The following CACHD1 variants were observed in gnomAD, a reference collection of about 807,000 sequenced individuals.
CACHD1 encodes cache domain containing 1, also known as VWFA and cache domain-containing protein 1.
CACHD1 carries 71 observed loss-of-function variants against 138.7 expected under a neutral mutation model. The ratio of observed to expected loss-of-function variants is 0.51; its 90% CI spans 0.42 to 0.62. The LOEUF is 0.62. CACHD1 is among the 20% of genes least tolerant of loss of function. The probability of loss-of-function intolerance (pLI) is 0.00; values close to 1 mark genes in which losing one functional copy is unlikely to be tolerated. For synonymous variants in CACHD1, 578 were observed against 591.5 expected (o/e 0.98, Z 0.33); for missense variants, 1,389 against 1,625.3 (o/e 0.85, Z 2.50).
At chr1:64,480,292 A>G (rs1354744035) in intron 1 of CACHD1, among the ~76,000 whole-genome samples, 1 of 152,216 alleles carries the variant, frequency 6.6e-6, no homozygotes, top group African/African-American at 2.4e-5. Flanking sequence ...CACCAGTAGT[A>G]AGTGACAGAT....
intron 1 of CACHD1, among the ~76,000 whole-genome samples, chr1:64,500,735 AGAGAGAGAG>A (rs1308973821): frequency 9.2e-4 from 6 of 6,536 alleles, no homozygotes; most frequent in African/African-American, 1.2e-3. Context: ...AAAAAAAAAA[AGAGAGAGAG>A]AGAGAGAGAG....
At position 64,681,307 on chromosome 1, in the gene CACHD1, C is replaced by T. The variant is rs757934685; in HGVS notation, c.3456C>T (p.Asp1152=). The T allele has an allele frequency of 2.4e-5, 39 of 1,613,574 alleles. No homozygotes were observed. In the South Asian group the frequency reaches 2.6e-4, roughly 11 times the overall value. The change falls in exon 25 of 27, where the codon GAC becomes GAT. Residue 1152 remains aspartate (D), a synonymous_variant. Coordinates refer to ENST00000651257, the MANE Select transcript of CACHD1 (RefSeq NM_020925.4). Reference sequence around the variant, plus strand: ...TGGAGAATGACAGAGATGAAAGGGACGACGACAGCCACGAAGACAGAGGCA... The same window carrying T: ...TGGAGAATGACAGAGATGAAAGGGATGACGACAGCCACGAAGACAGAGGCA... ...SNLENDRDER[D]DDSHEDRGII...
At chr1:64,505,436 C>T (rs539651632) in intron 1 of CACHD1, among the ~76,000 whole-genome samples, 1 of 152,114 alleles carries the variant, frequency 6.6e-6, no homozygotes, top group Non-Finnish European at 1.5e-5. Flanking sequence ...AGGCTGCGGG[C>T]TTTCCTGGGC....
At chr1:64,498,817 G>A (rs1015892277) in intron 1 of CACHD1, among the ~76,000 whole-genome samples, 95 of 152,332 alleles carry the variant, frequency 6.2e-4, no homozygotes, top group African/African-American at 2.1e-3. Context: ...TTGCTGGGCT[G>A]ACTTGGTGGT....
intron 4 of CACHD1, among the ~76,000 whole-genome samples, chr1:64,610,468 C>T (rs1179963645): frequency 6.6e-6 from 1 of 152,168 alleles, no homozygotes; most frequent in African/African-American, 2.4e-5. Flanking sequence ...AGACCTGTTA[C>T]AAATGGGAGA....
intron 3 of CACHD1, among the ~76,000 whole-genome samples, chr1:64,585,144 T>C (rs527789756): frequency 6.6e-6 from 1 of 152,316 alleles, no homozygotes; most frequent in South Asian, 2.1e-4. Context: ...ATATATGAGA[T>C]GGTAAGATGC....
intron 16 of CACHD1, among the ~76,000 whole-genome samples, chr1:64,668,826 G>A (rs1258705658): frequency 6.6e-6 from 1 of 152,140 alleles, no homozygotes; most frequent in Non-Finnish European, 1.5e-5. Context: ...CTCTTATGGT[G>A]CTCAGAGTAA....
chr1:64,500,732 AAAAGAGAGAGAGAGAGAG>A (rs1646333733), intron 1 of CACHD1, among the ~76,000 whole-genome samples: 1 of 51,782 alleles, frequency 1.9e-5, no homozygotes, highest in African/African-American at 4.4e-5. Flanking sequence ...AAAAAAAAAA[AAAAGAGAGAGAGAGAGAG>A]AGAGAGAGAG....
chr1:64,529,867 T>C (rs1347777588), intron 1 of CACHD1, among the ~76,000 whole-genome samples: 1 of 152,234 alleles, frequency 6.6e-6, no homozygotes, highest in Non-Finnish European at 1.5e-5. Flanking sequence ...TTAGAGGGTT[T>C]TTATAATTTC....
chr1:64,576,299 A>T (rs894128254), intron 2 of CACHD1, among the ~76,000 whole-genome samples: 1 of 152,112 alleles, frequency 6.6e-6, no homozygotes, highest in Non-Finnish European at 1.5e-5. Context: ...GTCTGCAGGG[A>T]TCATGGCAGG....
rs189728661 is a variant in CACHD1 at position 64,656,708 on chromosome 1, T to G, written c.1782+1905T>G. Among the ~76,000 whole-genome samples, 330 of 152,226 alleles carry G rather than the reference T, an allele frequency of 2.2e-3. 2 individuals are homozygous for G. The highest frequency in any genetic ancestry group is 3.8e-3 in the Non-Finnish European group (261 of 68,006). ...AGGTAGTCACTTCAGGTAGCAGTGT[T>G]AGCTTTCTCTGAGTTCTAAAATTGT... On this transcript the variant is annotated intron_variant, in intron 12 of 26. Coordinates refer to ENST00000651257, the MANE Select transcript of CACHD1 (RefSeq NM_020925.4).
intron 1 of CACHD1, among the ~76,000 whole-genome samples, chr1:64,512,590 C>A (rs1416601647): frequency 1.3e-5 from 2 of 152,056 alleles, no homozygotes; most frequent in Non-Finnish European, 2.9e-5. Flanking sequence ...GACACACACA[C>A]CCCTGCCAAT....
At chr1:64,678,984 A>G (rs1385978656) in intron 23 of CACHD1, among the ~76,000 whole-genome samples, 1 of 152,152 alleles carries the variant, frequency 6.6e-6, no homozygotes, top group African/African-American at 2.4e-5. Flanking sequence ...TTTTAACATC[A>G]CTTACATCAG....
chr1:64,633,962 C>G (rs2100643826), intron 6 of CACHD1, 82 bp from the exon 7 acceptor site: 1 of 1,069,768 alleles, frequency 9.3e-7, no homozygotes, highest in East Asian at 2.5e-5. Context: ...TACTCCTTGG[C>G]CTCTTCTGTT....
chr1:64,582,396 T>C (rs1429805191), intron 3 of CACHD1, 92 bp downstream of exon 3: 5 of 1,133,144 alleles, frequency 4.4e-6, no homozygotes, highest in Admixed American at 2.0e-5. Flanking sequence ...TGTTTATTTA[T>C]TGCAAATTGT....
At chr1:64,481,384 G>A (rs1478403551) in intron 1 of CACHD1, among the ~76,000 whole-genome samples, 1 of 152,132 alleles carries the variant, frequency 6.6e-6, no homozygotes, top group Non-Finnish European at 1.5e-5. Context: ...GTGAAAATTG[G>A]CAAACCAGTG....
chr1:64,616,513 C>T (rs1277703187), intron 4 of CACHD1, among the ~76,000 whole-genome samples: 3 of 152,128 alleles, frequency 2.0e-5, no homozygotes, highest in Non-Finnish European at 4.4e-5. Flanking sequence ...GTGCTTGTGG[C>T]AAGCATGCAT....
chr1:64,679,444 G>A (rs763081176), intron 23 of CACHD1, 151 bp from the exon 24 acceptor site: 73 of 835,894 alleles, frequency 8.7e-5, no homozygotes, highest in African/African-American at 7.0e-4. Flanking sequence ...GTTCCCATGC[G>A]TCATGTTTGA....
chr1:64,576,669 A>G (rs763361461), intron 2 of CACHD1, among the ~76,000 whole-genome samples: 1 of 152,118 alleles, frequency 6.6e-6, no homozygotes, highest in Non-Finnish European at 1.5e-5. Context: ...CAGTTTCTTC[A>G]CTTGTAAACT....
Sources: gnomAD v4.1 joint callset for allele counts (sites outside exome capture counted in the v4.1 genomes callset) on GRCh38, gnomAD v4.1.1 for gene constraint, MANE v1.5 for transcripts, NCBI Gene and HGNC (gene_info 2026-07-23, HGNC 2026-07-21) for gene names.